Variants in IDO2 observed in about 807,000 individuals in gnomAD.
IDO2 encodes indoleamine 2,3-dioxygenase-like 1 protein.
In IDO2, 46 loss-of-function variants were observed where a neutral mutation model predicts 45.1. That is an observed-to-expected ratio of 1.02 (90% CI 0.80 to 1.30). IDO2 has a LOEUF of 1.30. IDO2 is among the 50% of genes most tolerant of loss of function. The pLI, the probability that IDO2 is intolerant of heterozygous loss-of-function variation, is 0.00. For missense variants in IDO2, 544 were observed against 491.8 expected, an observed-to-expected ratio of 1.11 and a Z score of -1.00; for synonymous variants, 218 against 184.9, an observed-to-expected ratio of 1.18 and a Z score of -1.45.
At chr8:39,994,326 C>T (rs1216195229) in intron 8 of IDO2, among the ~76,000 whole-genome samples, 2 of 150,520 alleles carry the variant, frequency 1.3e-5, no homozygotes, top group African/African-American at 4.9e-5. Flanking sequence ...GGCGCCATCT[C>T]GGTTCACCAC....
intron 1 of IDO2, among the ~76,000 whole-genome samples, chr8:39,942,704 T>G (rs1411566882): frequency 6.6e-6 from 1 of 152,192 alleles, no homozygotes; most frequent in African/African-American, 2.4e-5. Flanking sequence ...AGGATTCTAC[T>G]CCAACTCTGA....
intron 2 of IDO2, among the ~76,000 whole-genome samples, chr8:39,958,151 C>G (rs4466387): frequency 0.035 from 5,247 of 152,062 alleles, 292 homozygotes; most frequent in African/African-American, 0.12. Context: ...GTGATCTGCC[C>G]GCATCGGCCT....
intron 7 of IDO2, 147 bp downstream of exon 7, chr8:39,988,117 C>CCTG: frequency 1.8e-6 from 1 of 547,908 alleles, no homozygotes; most frequent in Non-Finnish European, 3.3e-6. Context: ...GAGATCTAAG[C>CCTG]TCTAGGCCAC....
intron 8 of IDO2, among the ~76,000 whole-genome samples, chr8:39,997,333 C>T (rs117829486): frequency 0.035 from 5,376 of 152,000 alleles, 113 homozygotes; most frequent in Non-Finnish European, 0.052. Context: ...AATAAACTCT[C>T]CTAGGAAACA....
Position 39,963,693 on chromosome 8 carries a change from A to AT in IDO2, c.186dup (p.Val63CysfsTer161). ...ATTGATGCTCACCAGCTTCAAGCTC[A>AT]TGTGGACAAGGTATTCTTCTCTTCA... On this transcript the variant is annotated frameshift_variant, in exon 3 of 11. Transcript: ENST00000502986. LOFTEE classifies it high-confidence loss of function. The AT allele has an allele frequency of 1.2e-6, 2 of 1,602,692 alleles. No individual in the cohort carries two copies. The highest frequency in any genetic ancestry group is 1.7e-6 in the Non-Finnish European group (2 of 1,170,906).
chr8:39,983,183 AGGTG>A (rs932379366), intron 5 of IDO2, among the ~76,000 whole-genome samples: 2 of 152,246 alleles, frequency 1.3e-5, no homozygotes, highest in Admixed American at 6.5e-5. Context: ...CAGATGCTCC[AGGTG>A]GGTTGGATTG....
chr8:39,956,775 G>A (rs376362430), intron 2 of IDO2, among the ~76,000 whole-genome samples: 71 of 151,898 alleles, frequency 4.7e-4, no homozygotes, highest in Admixed American at 9.8e-4. Context: ...GGATGGATGC[G>A]GTGGCTCACG....
chr8:39,936,958 G>T (rs1807562189), intron 1 of IDO2, among the ~76,000 whole-genome samples: 1 of 152,170 alleles, frequency 6.6e-6, no homozygotes, highest in African/African-American at 2.4e-5. Flanking sequence ...ACAGTGAGAG[G>T]AAAGACATCT....
At chr8:39,990,164 G>C (rs1483997312) in intron 8 of IDO2, among the ~76,000 whole-genome samples, 1 of 152,116 alleles carries the variant, frequency 6.6e-6, no homozygotes, top group Non-Finnish European at 1.5e-5. Context: ...TTGGTCGCGC[G>C]TGCCCCATCC....
At chr8:39,973,141 A>G (rs112097058) in intron 3 of IDO2, among the ~76,000 whole-genome samples, 336 of 152,346 alleles carry the variant, frequency 2.2e-3, no homozygotes, top group African/African-American at 7.7e-3. Context: ...GAGGGAAGTT[A>G]TAGATCAGCA....
intron 3 of IDO2, among the ~76,000 whole-genome samples, chr8:39,970,972 G>A (rs377502822): frequency 1.6e-4 from 24 of 151,660 alleles, no homozygotes; most frequent in Non-Finnish European, 2.5e-4. Flanking sequence ...TCACCATGTT[G>A]GCCAAGATGG....
intron 7 of IDO2, among the ~76,000 whole-genome samples, chr8:39,989,225 C>T (rs1030957534): frequency 6.6e-6 from 1 of 152,068 alleles, no homozygotes; most frequent in African/African-American, 2.4e-5. Context: ...AACTCTCCCT[C>T]GTATCATGAG....
chr8:39,958,415 T>C (rs1408724417), intron 2 of IDO2, among the ~76,000 whole-genome samples: 1 of 148,362 alleles, frequency 6.7e-6, no homozygotes, highest in Non-Finnish European at 1.5e-5. Flanking sequence ...TTTCTTTTTT[T>C]GGAGACAGTC....
intron 8 of IDO2, 37 bp downstream of exon 8, chr8:39,989,875 G>T (rs1281432500): frequency 1.4e-6 from 2 of 1,447,032 alleles, no homozygotes; most frequent in Non-Finnish European, 9.5e-7. Context: ...GATCCCCCAG[G>T]GGTCCTGGGC....
At position 39,979,022 on chromosome 8, in the gene IDO2, C is replaced by T. The variant is rs1808301467; in HGVS notation, c.196-45C>T. On this transcript the variant is annotated intron_variant, in intron 3 of 10. Coordinates refer to ENST00000502986, the Ensembl canonical transcript of IDO2. Reference sequence around the variant, plus strand: ...CCGGCCCCCGTTACCTCCCCTGTCCCGGTTCCCATCCCTCCTCTGACGGCA... The same window carrying T: ...CCGGCCCCCGTTACCTCCCCTGTCCTGGTTCCCATCCCTCCTCTGACGGCA... 3 of 1,550,688 alleles carry T rather than the reference C, an allele frequency of 1.9e-6. No individual in the cohort carries two copies. In the South Asian group the frequency reaches 3.6e-5, roughly 18 times the overall value.
intron 2 of IDO2, among the ~76,000 whole-genome samples, chr8:39,949,580 G>C (rs1364484838): frequency 1.3e-5 from 2 of 152,244 alleles, no homozygotes; most frequent in African/African-American, 4.8e-5. Context: ...AACAAATATA[G>C]AGCCTCAGCA....
intron 3 of IDO2, among the ~76,000 whole-genome samples, chr8:39,968,234 C>A (rs535918852): frequency 8.5e-5 from 13 of 152,122 alleles, no homozygotes; most frequent in Non-Finnish European, 1.8e-4. Flanking sequence ...CAGGGATGAA[C>A]CTTAAATACA....
chr8:39,949,000 A>AG (rs1807777324), intron 1 of IDO2, 149 bp from the exon 2 acceptor site: 1 of 987,720 alleles, frequency 1.0e-6, no homozygotes, highest in Non-Finnish European at 1.4e-6. Flanking sequence ...CCTGTCTCAG[A>AG]GAAAGTCCAT....
At chr8:39,980,071 GC>G (rs1344698781) in intron 4 of IDO2, among the ~76,000 whole-genome samples, 2 of 152,056 alleles carry the variant, frequency 1.3e-5, no homozygotes, top group African/African-American at 4.8e-5. Flanking sequence ...TGATCCTCCT[GC>G]CTTTGCCTCC....
Sources: gnomAD v4.1 joint callset for allele counts (sites outside exome capture counted in the v4.1 genomes callset) on GRCh38, gnomAD v4.1.1 for gene constraint, MANE v1.5 for transcripts, NCBI Gene and HGNC (gene_info 2026-07-23, HGNC 2026-07-21) for gene names.